Variants in XAF1 observed in about 807,000 individuals in gnomAD.
XAF1 encodes the protein XIAP-associated factor 1.
A neutral mutation model predicts 32.3 loss-of-function variants in XAF1; 32 were observed. The observed-to-expected ratio is 0.99, with a 90% CI of 0.75 to 1.33. The LOEUF is 1.33. Among genes scored for constraint, XAF1 ranks in the 40% most tolerant of loss-of-function variants. The pLI, the probability that XAF1 is intolerant of heterozygous loss-of-function variation, is 0.00. For synonymous variants in XAF1, 120 were observed against 125.9 expected (o/e 0.95, Z 0.31); for missense variants, 379 against 366.0 (o/e 1.04, Z -0.29).
At chr17:6,765,914 T>A (rs1181101835) in intron 5 of XAF1, among the ~76,000 whole-genome samples, 1 of 152,236 alleles carries the variant, frequency 6.6e-6, no homozygotes, top group Non-Finnish European at 1.5e-5. Flanking sequence ...AAAACTACAG[T>A]GGCTTTAGAG....
upstream of XAF1, chr17:6,755,825 C>T (rs572338430): frequency 7.5e-6 from 10 of 1,328,542 alleles, no homozygotes; most frequent in Admixed American, 3.1e-4. Context: ...CTCAGGCTGC[C>T]AGCCTCAGGG....
intron 5 of XAF1, among the ~76,000 whole-genome samples, chr17:6,769,264 T>C (rs1198674521): frequency 1.3e-5 from 2 of 152,136 alleles, no homozygotes; most frequent in East Asian, 3.8e-4. Context: ...TCAATTTATC[T>C]TTCTTTCAAA....
intron 1 of XAF1, among the ~76,000 whole-genome samples, chr17:6,757,781 G>A (rs1280293561): frequency 6.6e-6 from 1 of 152,074 alleles, no homozygotes; most frequent in Non-Finnish European, 1.5e-5. Context: ...CCCCGTAATT[G>A]AGATAATGAA....
At chr17:6,770,555 G>A (rs1597753641) in intron 5 of XAF1, 88 bp from the exon 6 acceptor site, 3 of 1,093,282 alleles carry the variant, frequency 2.7e-6, no homozygotes, top group Non-Finnish European at 3.9e-6. Flanking sequence ...TTTACAGTGG[G>A]AATTTCTTGT....
chr17:6,772,341 T>A (rs922150118), intron 6 of XAF1, among the ~76,000 whole-genome samples: 23 of 152,262 alleles, frequency 1.5e-4, no homozygotes, highest in Admixed American at 3.3e-4. Context: ...AATTAAAATT[T>A]AACCAGGACA....
At chr17:6,771,744 A>T (rs900620582) in intron 6 of XAF1, 11 of 151,884 alleles carry the variant, frequency 7.2e-5, no homozygotes, top group African/African-American at 2.4e-4. Context: ...TAAAAAATTT[A>T]TTTTTTTTCA....
rs1482370724 is a variant in XAF1, at chr17:6,756,123, T to C, written c.32+13T>C. ...TGTGCAGGAACTGGTAAGAAAGTGC[T>C]TTCTCCAGCGGCAGACCCGGGCTGG... On this transcript the variant is annotated intron_variant, in intron 1 of 6. Transcript: ENST00000361842. 4 of 1,613,748 alleles carry C rather than the reference T, an allele frequency of 2.5e-6. No individual in the cohort carries two copies. Among genetic ancestry groups the C allele is most frequent in the African/African-American group, 2.7e-5 (2 of 74,806 alleles).
At chr17:6,765,953 T>C (rs542982862) in intron 5 of XAF1, among the ~76,000 whole-genome samples, 1 of 152,302 alleles carries the variant, frequency 6.6e-6, no homozygotes, top group South Asian at 2.1e-4. Flanking sequence ...TCCCTTCTTA[T>C]CTCATCACCT....
chr17:6,758,680 G>T, intron 2 of XAF1: 1 of 313,810 alleles, frequency 3.2e-6, no homozygotes, highest in South Asian at 2.6e-5. Context: ...GGAGAGATGG[G>T]GTCTGGGAGT....
chr17:6,774,066 A>G lies in XAF1; in HGVS notation c.*897A>G, dbSNP rs985150342. The G allele has an allele frequency of 4.6e-5, 7 of 152,236 alleles. No individual in the cohort carries two copies. Among genetic ancestry groups the G allele is most frequent in the Non-Finnish European group, 8.8e-5 (6 of 68,040 alleles). The allele number at this position is 152,236 out of a possible 1,614,324, so 9.4% of individuals were successfully genotyped here. A position where few individuals can be genotyped will look rare whatever the true frequency, so the allele number is the denominator to read the frequency against. Reference sequence around the variant, plus strand: ...AAAAAAGCATTAAAATTTATTTGAAACCAAAAAAGAGCCCAAAAAGCCAAA... The same window carrying G: ...AAAAAAGCATTAAAATTTATTTGAAGCCAAAAAAGAGCCCAAAAAGCCAAA... On this transcript the variant is annotated 3_prime_UTR_variant, in exon 7 of 7. Coordinates refer to ENST00000361842, the MANE Select transcript of XAF1 (RefSeq NM_017523.5).
chr17:6,757,951 G>C, intron 1 of XAF1, 138 bp from the exon 2 acceptor site: 8 of 1,165,432 alleles, frequency 6.9e-6, no homozygotes, highest in Non-Finnish European at 9.9e-6. Context: ...CAGGGAGTGT[G>C]GGGCAGGTGG....
rs151128269 is a variant in XAF1, at chr17:6,762,136, T to A, written c.422-19T>A. The stretch of plus-strand genomic sequence containing the variant: ...TGACAAGGACAATCATTTGTGGTGT[T>A]GTTTCTCTGCTTATTCAGGGGAAAG... On this transcript the variant is annotated intron_variant, in intron 4 of 6. Transcript: ENST00000361842. The A allele has an allele frequency of 1.1e-4, 176 of 1,612,566 alleles. No individual in the cohort carries two copies. In the African/African-American group the frequency reaches 1.9e-3, roughly 17 times the overall value.
At chr17:6,772,877 G>A in intron 6 of XAF1, 1 of 436,914 alleles carries the variant, frequency 2.3e-6, no homozygotes, top group Non-Finnish European at 4.0e-6. Context: ...TCCATGGTGT[G>A]AGTGTTCTCC....
intron 2 of XAF1, chr17:6,758,487 A>G (rs1196450700): frequency 2.0e-6 from 1 of 490,124 alleles, no homozygotes; most frequent in African/African-American, 2.1e-5. Context: ...TGCAGGTGAG[A>G]TGGGGTCTGG....
Position 6,774,069 on chromosome 17 carries a change from A to G in XAF1, c.*900A>G, listed in dbSNP as rs1327762976. Reference sequence around the variant, plus strand: ...AAAGCATTAAAATTTATTTGAAACCAAAAAAGAGCCCAAAAAGCCAAAGCA... The same window carrying G: ...AAAGCATTAAAATTTATTTGAAACCGAAAAAGAGCCCAAAAAGCCAAAGCA... On this transcript the variant is annotated 3_prime_UTR_variant, in exon 7 of 7. Transcript: ENST00000361842. The G allele has an allele frequency of 1.3e-5, 2 of 152,204 alleles. No individual in the cohort carries two copies. The highest frequency in any genetic ancestry group is 2.4e-5 in the African/African-American group (1 of 41,454). The allele number at this position is 152,204 out of a possible 1,614,324, so 9.4% of individuals were successfully genotyped here.
At chr17:6,767,736 ACTGCTGCTG>A (rs36030643) in intron 5 of XAF1, among the ~76,000 whole-genome samples, 7 of 151,354 alleles carry the variant, frequency 4.6e-5, no homozygotes, top group East Asian at 1.9e-4. Flanking sequence ...GTTCATTACT[ACTGCTGCTG>A]CTGCTGCTGC....
Position 6,773,234 on chromosome 17 carries a change from A to T in XAF1, c.*65A>T. 3 of 1,441,994 alleles carry T rather than the reference A, an allele frequency of 2.1e-6. No homozygotes were observed. Among genetic ancestry groups the T allele is most frequent in the East Asian group, 4.8e-5 (2 of 42,024 alleles). 89.3% of individuals were successfully genotyped at this position (1,441,994 alleles called of 1,614,324 possible). A position where few individuals can be genotyped will look rare whatever the true frequency, so the allele number is the denominator to read the frequency against. On this transcript the variant is annotated 3_prime_UTR_variant, in exon 7 of 7. Coordinates refer to ENST00000361842, the MANE Select transcript of XAF1 (RefSeq NM_017523.5). Reference sequence around the variant, plus strand: ...ACTTTTAACACTGGCATTCCTGCCTACTTGCTGTGGTGGTCTTGTGAAAGG... The same window carrying T: ...ACTTTTAACACTGGCATTCCTGCCTTCTTGCTGTGGTGGTCTTGTGAAAGG...
At chr17:6,764,918 G>A (rs1975480681) in intron 5 of XAF1, among the ~76,000 whole-genome samples, 1 of 152,116 alleles carries the variant, frequency 6.6e-6, no homozygotes, top group East Asian at 1.9e-4. Context: ...AGCATTTACT[G>A]CTCATCACTC....
rs1413833226 is a variant in XAF1 at position 6,773,342 on chromosome 17, AG to A, written c.*174del. The stretch of plus-strand genomic sequence containing the variant: ...ACTCACGTATCATCTCAATAGATAC[AG>A]AAAAGGCTTTTGATAAAATTCAACT... On this transcript the variant is annotated 3_prime_UTR_variant, in exon 7 of 7. Transcript: ENST00000361842. 1 of 536,036 alleles carries A rather than the reference AG, an allele frequency of 1.9e-6. No homozygotes were observed. The highest frequency in any genetic ancestry group is 2.0e-5 in the African/African-American group (1 of 49,774). 33.2% of individuals were successfully genotyped at this position (536,036 alleles called of 1,614,324 possible). A position where few individuals can be genotyped will look rare whatever the true frequency, so the allele number is the denominator to read the frequency against.
Sources: gnomAD v4.1 joint callset for allele counts (sites outside exome capture counted in the v4.1 genomes callset) on GRCh38, gnomAD v4.1.1 for gene constraint, MANE v1.5 for transcripts, NCBI Gene and HGNC (gene_info 2026-07-23, HGNC 2026-07-21) for gene names.